The following PFKFB3 variants were observed in gnomAD, a reference collection of about 807,000 sequenced individuals.
The protein encoded by PFKFB3 is 6-phosphofructo-2-kinase/fructose-2,6-biphosphatase 3, also known as 6-phosphofructo-2-kinase/fructose-2,6-bisphosphatase 3.
PFKFB3 carries 33 observed loss-of-function variants against 68.0 expected under a neutral mutation model. The observed-to-expected ratio is 0.49, with a 90% CI of 0.37 to 0.65. The LOEUF is 0.65. PFKFB3 is among the 30% of genes least tolerant of loss of function. The pLI is 0.00. For synonymous variants in PFKFB3, 315 were observed against 288.2 expected (o/e 1.09, Z -0.94); for missense variants, 586 against 712.2 (o/e 0.82, Z 2.02).
At chr10:6,194,049 A>C (rs1377566598) in intron 1 of PFKFB3, among the ~76,000 whole-genome samples, 2 of 152,338 alleles carry the variant, frequency 1.3e-5, no homozygotes, top group Non-Finnish European at 2.9e-5. Flanking sequence ...TATTTCATTG[A>C]GAACAATGGG....
downstream of PFKFB3, among the ~76,000 whole-genome samples, chr10:6,258,410 T>A (rs1194212353): frequency 6.6e-6 from 1 of 152,248 alleles, no homozygotes; most frequent in Non-Finnish European, 1.5e-5. Context: ...CAGGAGCATG[T>A]GCCTGTGCAG....
chr10:6,292,082 TA>T, the PFKFB3 span, among the ~76,000 whole-genome samples: 1 of 149,780 alleles, frequency 6.7e-6, no homozygotes, highest in Non-Finnish European at 1.5e-5. Context: ...GCCTCCCGAG[TA>T]GCTGGGATTA....
rs1845139393 is a variant in PFKFB3, at chr10:6,223,901, G to A, written c.1214-57G>A. 8 of 1,482,560 alleles carry A rather than the reference G, an allele frequency of 5.4e-6. No individual in the cohort carries two copies. In the Admixed American group the frequency reaches 1.2e-4, roughly 22 times the overall value. 91.8% of individuals were successfully genotyped at this position (1,482,560 alleles called of 1,614,324 possible). A position where few individuals can be genotyped will look rare whatever the true frequency, so the allele number is the denominator to read the frequency against. Reference sequence around the variant, plus strand: ...CAAAGTGCTGGGATTACAGGCGTGAGCCACCACGCCTGGCCGTGTCTCATT... The same window carrying A: ...CAAAGTGCTGGGATTACAGGCGTGAACCACCACGCCTGGCCGTGTCTCATT... On this transcript the variant is annotated intron_variant, in intron 11 of 14. Coordinates refer to ENST00000379775, the MANE Select transcript of PFKFB3 (RefSeq NM_004566.4).
chr10:6,165,186 G>A (rs1842092420), intron 1 of PFKFB3, among the ~76,000 whole-genome samples: 1 of 152,144 alleles, frequency 6.6e-6, no homozygotes, highest in Admixed American at 6.5e-5. Context: ...GGTGTCCCTG[G>A]TTAATCGAGA....
chr10:6,302,292 C>T, the PFKFB3 span, among the ~76,000 whole-genome samples: 27 of 149,102 alleles, frequency 1.8e-4, no homozygotes, highest in African/African-American at 4.3e-4. Flanking sequence ...TGACCTCAGG[C>T]GATCCACCTG....
intron 14 of PFKFB3, among the ~76,000 whole-genome samples, chr10:6,251,490 C>T (rs1846379163): frequency 6.6e-6 from 1 of 152,118 alleles, no homozygotes; most frequent in African/African-American, 2.4e-5. Context: ...TTGTTACAAC[C>T]TTGTACATTT....
the PFKFB3 span, among the ~76,000 whole-genome samples, chr10:6,319,507 G>C: frequency 5.3e-5 from 8 of 152,288 alleles, no homozygotes; most frequent in Middle Eastern, 6.8e-3. Flanking sequence ...GACTTGGAAA[G>C]GTGGGAGGAG....
chr10:6,224,903 C>T (rs563696625), intron 13 of PFKFB3, among the ~76,000 whole-genome samples: 3 of 151,764 alleles, frequency 2.0e-5, no homozygotes, highest in South Asian at 2.1e-4. Flanking sequence ...AGGTCAGCGC[C>T]GCCATGTGCT....
At chr10:6,306,960 G>T in the PFKFB3 span, among the ~76,000 whole-genome samples, 4 of 152,312 alleles carry the variant, frequency 2.6e-5, no homozygotes, top group Admixed American at 6.5e-5. Flanking sequence ...TTCTTTGAGG[G>T]TGCTTTTGGG....
chr10:6,297,859 T>C, the PFKFB3 span, among the ~76,000 whole-genome samples: 1 of 152,084 alleles, frequency 6.6e-6, no homozygotes, highest in African/African-American at 2.4e-5. Context: ...TCTAGTCTTG[T>C]ATAACACCTT....
At chr10:6,227,378 G>A (rs531686971) in intron 14 of PFKFB3, among the ~76,000 whole-genome samples, 3 of 152,256 alleles carry the variant, frequency 2.0e-5, no homozygotes, top group East Asian at 3.9e-4. Flanking sequence ...TTGATGAGCC[G>A]GATGCTGGTG....
downstream of PFKFB3, among the ~76,000 whole-genome samples, chr10:6,239,237 C>T (rs749516426): frequency 2.6e-5 from 4 of 152,130 alleles, no homozygotes; most frequent in Non-Finnish European, 4.4e-5. Flanking sequence ...CATGCATGCC[C>T]GGCGTTTCAA....
At chr10:6,167,820 G>A (rs1842187106) in intron 1 of PFKFB3, among the ~76,000 whole-genome samples, 1 of 152,040 alleles carries the variant, frequency 6.6e-6, no homozygotes, top group African/African-American at 2.4e-5. Flanking sequence ...CCTCTCCTAC[G>A]CCCTTAGGTG....
the PFKFB3 span, chr10:6,294,263 A>G: frequency 3.8e-6 from 2 of 528,708 alleles, no homozygotes; most frequent in South Asian, 1.4e-5. Flanking sequence ...CAGCAAAAGC[A>G]GTGTATTAAT....
downstream of PFKFB3, among the ~76,000 whole-genome samples, chr10:6,257,419 G>A (rs905530550): frequency 2.0e-5 from 3 of 152,174 alleles, no homozygotes; most frequent in Admixed American, 6.5e-5. Context: ...AATAAAGGTG[G>A]TGGGTTCCTT....
chr10:6,175,328 C>T (rs2131758294), intron 1 of PFKFB3, among the ~76,000 whole-genome samples: 1 of 152,330 alleles, frequency 6.6e-6, no homozygotes, highest in Non-Finnish European at 1.5e-5. Flanking sequence ...CTTTGGGGCA[C>T]TTTCAGGTAC....
At chr10:6,170,523 C>T (rs1440829002) in intron 1 of PFKFB3, among the ~76,000 whole-genome samples, 1 of 152,180 alleles carries the variant, frequency 6.6e-6, no homozygotes, top group Non-Finnish European at 1.5e-5. Context: ...GCCTGGGCCA[C>T]ATAGACCTCC....
chr10:6,257,853 G>A (rs914493116), downstream of PFKFB3, among the ~76,000 whole-genome samples: 2 of 152,154 alleles, frequency 1.3e-5, no homozygotes, highest in African/African-American at 2.4e-5. Context: ...ATCCCCATGC[G>A]GGACTCTGGA....
chr10:6,214,020 A>C (rs1026438465), intron 2 of PFKFB3, among the ~76,000 whole-genome samples: 2 of 152,002 alleles, frequency 1.3e-5, no homozygotes, highest in Non-Finnish European at 2.9e-5. Flanking sequence ...ATCTCCAGCC[A>C]CCTCAGTCCT....
Sources: allele counts gnomAD v4.1 joint callset (sites outside exome capture counted in the v4.1 genomes callset), GRCh38; gene constraint gnomAD v4.1.1; transcripts MANE v1.5; gene names NCBI Gene and HGNC (gene_info 2026-07-23, HGNC 2026-07-21).